SLC6A6: variants seen among roughly 807,000 people sequenced by gnomAD.
SLC6A6 encodes solute carrier family 6 member 6, also known as sodium- and chloride-dependent taurine transporter.
In SLC6A6, 16 loss-of-function variants were observed where a neutral mutation model predicts 68.8. The observed-to-expected ratio is 0.23, with a 90% CI of 0.16 to 0.35. The LOEUF is 0.35. Among genes scored for constraint, SLC6A6 ranks in the 10% least tolerant of loss-of-function variants. SLC6A6 has a pLI of 1.00. For synonymous variants in SLC6A6, 312 were observed against 315.4 expected, an observed-to-expected ratio of 0.99 and a Z score of 0.12; for missense variants, 474 against 802.8, an observed-to-expected ratio of 0.59 and a Z score of 4.95.
At chr3:14,440,446 G>A (rs1699956479) in intron 2 of SLC6A6, among the ~76,000 whole-genome samples, 1 of 152,094 alleles carries the variant, frequency 6.6e-6, no homozygotes, top group Non-Finnish European at 1.5e-5. Flanking sequence ...CCAAGGAGAA[G>A]GGGAGAGGGA....
chr3:14,475,978 G>A (rs1478046811), intron 10 of SLC6A6, among the ~76,000 whole-genome samples: 4 of 152,156 alleles, frequency 2.6e-5, no homozygotes, highest in Admixed American at 2.0e-4. Context: ...CCTGCAATGC[G>A]TCCCAAAGGA....
intron 9 of SLC6A6, among the ~76,000 whole-genome samples, chr3:14,470,855 A>G (rs965152352): frequency 1.3e-5 from 2 of 152,114 alleles, no homozygotes; most frequent in African/African-American, 4.8e-5. Context: ...TGGGCTTGGT[A>G]ACCCCCGCTC....
At chr3:14,454,716 T>C (rs1199260991) in intron 5 of SLC6A6, among the ~76,000 whole-genome samples, 1 of 152,214 alleles carries the variant, frequency 6.6e-6, no homozygotes, top group African/African-American at 2.4e-5. Flanking sequence ...TATGTGCACA[T>C]TAAAAACATT....
Position 14,484,875 on chromosome 3 carries a change from G to A in SLC6A6, c.1731G>A (p.Lys577=). 2.5e-6 allele frequency: 4 copies of A among 1,611,946 alleles called. No individual in the cohort carries two copies. The highest frequency in any genetic ancestry group is 3.4e-6 in the Non-Finnish European group (4 of 1,179,950). Residue 577 remains lysine (K), a synonymous_variant, in exon 15 of 15, where the codon AAG becomes AAA. Coordinates refer to ENST00000622186, the MANE Select transcript of SLC6A6 (RefSeq NM_003043.6). ...QTEGPFLVRV[K]YLLTPREPNR... is the part of the protein sequence containing the mutation. ...CTGTCATCCTTCTCCAGAGAGTCAAGTACCTGCTGACCCCAAGGGAACCCA... is the reference window on the plus strand; with the variant it reads ...CTGTCATCCTTCTCCAGAGAGTCAAATACCTGCTGACCCCAAGGGAACCCA...
At chr3:14,440,941 C>T (rs1430617233) in intron 2 of SLC6A6, among the ~76,000 whole-genome samples, 1 of 152,196 alleles carries the variant, frequency 6.6e-6, no homozygotes, top group Non-Finnish European at 1.5e-5. Context: ...CCCCCACCCC[C>T]ATCCTGGCTC....
intron 4 of SLC6A6, among the ~76,000 whole-genome samples, chr3:14,446,451 T>A (rs1700122921): frequency 6.6e-6 from 1 of 152,212 alleles, no homozygotes; most frequent in African/African-American, 2.4e-5. Context: ...ACCTATGGCA[T>A]ACTGTGTTCA....
At chr3:14,440,374 G>T (rs1030217223) in intron 2 of SLC6A6, among the ~76,000 whole-genome samples, 2 of 152,104 alleles carry the variant, frequency 1.3e-5, no homozygotes, top group South Asian at 2.1e-4. Context: ...AGTGGGGAAG[G>T]TTCAGAGGGG....
In SLC6A6 at chr3:14,475,943, C is replaced by T. The variant is rs150325668; in HGVS notation, c.1210-1262C>T. 5.3e-5 allele frequency among the ~76,000 whole-genome samples: 8 copies of T among 152,288 alleles called. No homozygotes were observed. In the South Asian group the frequency reaches 6.2e-4, roughly 12 times the overall value. ...TCAGCACATGAAAGGGATTTCTCCCCGTTTGTGTTCCTTCCCTGGATTTTC... is the reference window on the plus strand; with the variant it reads ...TCAGCACATGAAAGGGATTTCTCCCTGTTTGTGTTCCTTCCCTGGATTTTC... On this transcript the variant is annotated intron_variant, in intron 10 of 14. Coordinates refer to ENST00000622186, the MANE Select transcript of SLC6A6 (RefSeq NM_003043.6).
intron 6 of SLC6A6, among the ~76,000 whole-genome samples, chr3:14,459,081 G>A (rs1027392422): frequency 1.3e-5 from 2 of 152,216 alleles, no homozygotes; most frequent in Non-Finnish European, 2.9e-5. Context: ...GTGATCACAG[G>A]TGTGAGCCTG....
intron 4 of SLC6A6, 95 bp from the exon 5 acceptor site, chr3:14,447,487 G>GGCCTGGA (rs1329181182): frequency 5.2e-6 from 8 of 1,530,166 alleles, no homozygotes; most frequent in Non-Finnish European, 7.1e-6. Flanking sequence ...TGTGGCCTGG[G>GGCCTGGA]GCCTGGGGAT....
Position 14,472,412 on chromosome 3 carries a change from T to C in SLC6A6, c.1209+95T>C. ...TCCACCTGGGAGGTGGTCAACCCCC[T>C]TCCCCCCTCCAGTCAGACTTCCAGT... On this transcript the variant is annotated intron_variant, in intron 10 of 14. Transcript: ENST00000622186. This position sits in a 1 kb window ranked among gnomAD's most constrained non-coding sequence, Gnocchi z 4.5. 2.6e-6 allele frequency: 2 copies of C among 758,522 alleles called. No homozygotes were observed. The highest frequency in any genetic ancestry group is 4.7e-6 in the Non-Finnish European group (2 of 429,718). The allele number at this position is 758,522 out of a possible 1,614,324, so 47.0% of individuals were successfully genotyped here.
At chr3:14,478,083 T>C (rs1700921541) in intron 11 of SLC6A6, among the ~76,000 whole-genome samples, 1 of 152,086 alleles carries the variant, frequency 6.6e-6, no homozygotes, top group South Asian at 2.1e-4. Context: ...CTTCACCATT[T>C]TTCCTTACCA....
chr3:14,482,100 T>C (rs1701022944), intron 14 of SLC6A6, among the ~76,000 whole-genome samples: 1 of 152,044 alleles, frequency 6.6e-6, no homozygotes, highest in Non-Finnish European at 1.5e-5. Flanking sequence ...AGATGGAGAA[T>C]GTGAGAGGGA....
chr3:14,435,738 T>C (rs6779365), intron 2 of SLC6A6, among the ~76,000 whole-genome samples: 119,724 of 152,216 alleles, frequency 0.79, 47,574 homozygotes, highest in African/African-American at 0.9. Context: ...GCCCCCTCTG[T>C]GTTTGTGTTT....
rs1701116178 is a variant in SLC6A6 at position 14,485,076 on chromosome 3, G to C, written c.*69G>C. On this transcript the variant is annotated 3_prime_UTR_variant, in exon 15 of 15. Transcript: ENST00000622186. ...TAACATTAGATTCTCATAGGACCAG[G>C]TTTACAGAGCTTTATATTTGCACTA... is the stretch of plus-strand genomic sequence containing the variant. 1 of 1,356,324 alleles carries C rather than the reference G, an allele frequency of 7.4e-7. No homozygotes were observed. Among genetic ancestry groups the C allele is most frequent in the Non-Finnish European group, 1.0e-6 (1 of 996,632 alleles). 84.0% of individuals were successfully genotyped at this position (1,356,324 alleles called of 1,614,324 possible). A position where few individuals can be genotyped will look rare whatever the true frequency, so the allele number is the denominator to read the frequency against.
intron 6 of SLC6A6, among the ~76,000 whole-genome samples, chr3:14,458,831 G>A (rs569051185): frequency 6.6e-6 from 1 of 152,372 alleles, no homozygotes; most frequent in Admixed American, 6.5e-5. Context: ...CATAACTGGA[G>A]TGTTTGCTGC....
chr3:14,457,970 C>T lies in SLC6A6; in HGVS notation c.620C>T (p.Ser207Phe). ...TCAAGGCGCAACGTGCTGAGCTTGT[C>T]CCCTGGAATCGACCACCCAGGCTCT... is the stretch of plus-strand genomic sequence containing the variant. ...EFWERNVLSL[S>F]PGIDHPGSLK... Residue 207 changes from serine (S) to phenylalanine (F), a missense_variant, in exon 6 of 15, where the codon TCC becomes TTC. Transcript: ENST00000622186. 6.2e-7 allele frequency: 1 copy of T among 1,614,108 alleles called. No homozygotes were observed.
At position 14,468,340 on chromosome 3, in the gene SLC6A6, C is replaced by CG. The variant is rs963227369; in HGVS notation, c.1096+128_1096+129insG. The CG allele has an allele frequency of 3.8e-5, 28 of 728,562 alleles. No homozygotes were observed. The highest frequency in any genetic ancestry group is 3.7e-4 in the African/African-American group (20 of 53,788). 45.1% of individuals were successfully genotyped at this position (728,562 alleles called of 1,614,324 possible). A position where few individuals can be genotyped will look rare whatever the true frequency, so the allele number is the denominator to read the frequency against. On this transcript the variant is annotated intron_variant, in intron 9 of 14. Coordinates refer to ENST00000622186, the MANE Select transcript of SLC6A6 (RefSeq NM_003043.6). This position sits in a 1 kb window ranked among gnomAD's most constrained non-coding sequence, Gnocchi z 4.5. The stretch of plus-strand genomic sequence containing the variant: ...GAGCCTGGTTTCTAAAATGGACCCC[C>CG]CCCCCGCCACCAAGATATCCCCCAA...
intron 6 of SLC6A6, among the ~76,000 whole-genome samples, chr3:14,464,551 G>A (rs551517584): frequency 6.6e-6 from 1 of 152,306 alleles, no homozygotes; most frequent in South Asian, 2.1e-4. Flanking sequence ...GGCCCTGAAA[G>A]CTTCCTTTTT....
Sources: gnomAD v4.1 joint callset for allele counts (sites outside exome capture counted in the v4.1 genomes callset) on GRCh38, gnomAD v4.1.1 for gene constraint, Gnocchi (gnomAD v3.1) non-coding constraint, MANE v1.5 for transcripts, NCBI Gene and HGNC (gene_info 2026-07-23, HGNC 2026-07-21) for gene names.